Variants in ZC3H6 observed in about 807,000 individuals in gnomAD.
ZC3H6 encodes zinc finger CCCH domain-containing protein 6.
ZC3H6 carries 40 observed loss-of-function variants against 107.7 expected under a neutral mutation model. That is an observed-to-expected ratio of 0.37 (90% CI 0.29 to 0.48). The LOEUF (loss-of-function observed/expected upper bound fraction) is 0.48, where lower values mean the gene tolerates loss of function less well. Among genes scored for constraint, ZC3H6 ranks in the 20% least tolerant of loss-of-function variants. ZC3H6 has a pLI of 0.98. For synonymous variants in ZC3H6, 493 were observed against 487.9 expected (o/e 1.01, Z -0.14); for missense variants, 1,267 against 1,410.4 (o/e 0.90, Z 1.63).
intron 9 of ZC3H6, 143 bp downstream of exon 9, chr2:112,323,045 CCA>C: frequency 1.1e-6 from 1 of 910,674 alleles, no homozygotes; most frequent in Non-Finnish European, 1.6e-6. Flanking sequence ...ATTGTTGCTT[CCA>C]CCTTTGTTTT....
chr2:112,280,819 A>G (rs1451039534), intron 1 of ZC3H6, among the ~76,000 whole-genome samples: 2 of 152,170 alleles, frequency 1.3e-5, no homozygotes, highest in East Asian at 1.9e-4. Context: ...ATTTTGGGGA[A>G]TGGGGAAACG....
chr2:112,328,938 C>CAAAAAA (rs11317176), intron 11 of ZC3H6, among the ~76,000 whole-genome samples: 1 of 115,236 alleles, frequency 8.7e-6, no homozygotes. Context: ...GACTCTGTCT[C>CAAAAAA]AAAAAAAAAA....
At position 112,309,943 on chromosome 2, in the gene ZC3H6, T is replaced by A; in HGVS notation, c.395T>A (p.Phe132Tyr). The stretch of plus-strand genomic sequence containing the variant: ...AAGAAGGGTCAACATAACAAAAAAT[T>A]TAAAAGTAAAGAATATGATGAGTAC... Reference protein sequence around the residue: ...TSKKGQHNKKFKSKEYDEYST... With the variant: ...TSKKGQHNKKYKSKEYDEYST... The change falls in exon 4 of 12, where the codon TTT (phenylalanine) becomes TAT (tyrosine). Residue 132 changes from phenylalanine to tyrosine, a missense_variant. By Grantham distance (22) the Phe-to-Tyr change is conservative. Transcript: ENST00000409871. 1 of 1,604,384 alleles carries A rather than the reference T, an allele frequency of 6.2e-7. No individual in the cohort carries two copies. Among genetic ancestry groups the A allele is most frequent in the Non-Finnish European group, 8.5e-7 (1 of 1,175,016 alleles).
intron 1 of ZC3H6, among the ~76,000 whole-genome samples, chr2:112,287,968 C>G (rs1349189451): frequency 6.6e-6 from 1 of 152,244 alleles, no homozygotes; most frequent in African/African-American, 2.4e-5. Flanking sequence ...TTTTACTATA[C>G]AGTTGCTGAT....
chr2:112,311,771 C>T (rs1573958769), intron 4 of ZC3H6, 33 bp from the exon 5 acceptor site: 1 of 1,566,472 alleles, frequency 6.4e-7, no homozygotes, highest in Non-Finnish European at 8.7e-7. Flanking sequence ...TGCTGTTTTT[C>T]TTTTAAATTT....
intron 11 of ZC3H6, 59 bp from the exon 12 acceptor site, chr2:112,330,946 T>C: frequency 1.5e-6 from 1 of 669,284 alleles, no homozygotes; most frequent in Non-Finnish European, 2.0e-6. Flanking sequence ...AATATAATAA[T>C]TTTATTATAT....
At chr2:112,314,866 T>TA (rs1676667256) in intron 5 of ZC3H6, among the ~76,000 whole-genome samples, 1 of 152,168 alleles carries the variant, frequency 6.6e-6, no homozygotes, top group Non-Finnish European at 1.5e-5. Context: ...GTAAATTAGG[T>TA]ATGTTTATAT....
chr2:112,298,799 G>A (rs1038617304), intron 1 of ZC3H6, among the ~76,000 whole-genome samples: 1 of 152,068 alleles, frequency 6.6e-6, no homozygotes, highest in African/African-American at 2.4e-5. Context: ...ACAGGAAAGG[G>A]AACAATACAA....
chr2:112,294,342 C>T (rs893116454), intron 1 of ZC3H6, among the ~76,000 whole-genome samples: 2 of 152,218 alleles, frequency 1.3e-5, no homozygotes, highest in African/African-American at 4.8e-5. Context: ...GTAATCATTT[C>T]AAACATCTAG....
intron 5 of ZC3H6, among the ~76,000 whole-genome samples, chr2:112,314,678 T>G (rs1676661462): frequency 6.6e-6 from 1 of 152,168 alleles, no homozygotes; most frequent in African/African-American, 2.4e-5. Context: ...TTATTTTATT[T>G]TATAACAGCC....
chr2:112,283,628 G>T (rs1362653862), intron 1 of ZC3H6, among the ~76,000 whole-genome samples: 1 of 152,188 alleles, frequency 6.6e-6, no homozygotes, highest in Non-Finnish European at 1.5e-5. Context: ...TATAGACAGA[G>T]AAGATATTAA....
rs1282406390 is a variant in ZC3H6 at position 112,331,533 on chromosome 2, A to T, written c.2615A>T (p.Asn872Ile). The T allele has an allele frequency of 6.2e-7, 1 of 1,613,752 alleles. No homozygotes were observed. Among genetic ancestry groups the T allele is most frequent in the Non-Finnish European group, 8.5e-7 (1 of 1,179,862 alleles). The change falls in exon 12 of 12, where the codon AAC (asparagine) becomes ATC (isoleucine). Residue 872 changes from asparagine to isoleucine, a missense_variant. Asn to Ile is a moderately radical substitution (Grantham distance 149). Coordinates refer to ENST00000409871, the MANE Select transcript of ZC3H6 (RefSeq NM_198581.3). The stretch of plus-strand genomic sequence containing the variant: ...ATGGACATTACTCTAACCAAACCCA[A>T]CTTTGCAAAACACATCGTGTGGGCT... ...IKMDITLTKP[N>I]FAKHIVWAPE...
chr2:112,294,256 C>A (rs548146372), intron 1 of ZC3H6, among the ~76,000 whole-genome samples: 7 of 152,290 alleles, frequency 4.6e-5, no homozygotes, highest in Admixed American at 1.3e-4. Flanking sequence ...GAGCAGTTAT[C>A]CTACCTTATC....
rs1686398827 is a variant in ZC3H6, at chr2:112,275,598, C to A, written c.-397C>A. 1 of 401,264 alleles carries A rather than the reference C, an allele frequency of 2.5e-6. No individual in the cohort carries two copies. The allele number at this position is 401,264 out of a possible 1,614,324, so 24.9% of individuals were successfully genotyped here. ...CCCGGGCAAGGTGTTGCGGCCGGCG[C>A]CATTTTCTCGAGCCGCCTGTTTCGG... On this transcript the variant is annotated 5_prime_UTR_variant, in exon 1 of 12. Transcript: ENST00000409871.
At chr2:112,317,036 A>G (rs746211531) in intron 6 of ZC3H6, among the ~76,000 whole-genome samples, 185 bp from the exon 7 acceptor site, 7 of 152,182 alleles carry the variant, frequency 4.6e-5, no homozygotes, top group Non-Finnish European at 1.0e-4. Flanking sequence ...ATGTAGCTAC[A>G]TCCACTGTCT....
In ZC3H6 at chr2:112,303,272, A is replaced by G; in HGVS notation, c.257A>G (p.Asp86Gly). The G allele has an allele frequency of 6.2e-7, 1 of 1,613,116 alleles. No homozygotes were observed. The highest frequency in any genetic ancestry group is 2.2e-5 in the East Asian group (1 of 44,852). The change falls in exon 3 of 12, where the codon GAT becomes GGT. Residue 86 changes from aspartate to glycine, a missense_variant. Physicochemically the swap from Asp to Gly is moderately conservative, Grantham distance 94. This residue lies in a region of ZC3H6 where 337 missense variants were observed against 361.2 expected (regional missense o/e 0.93). Transcript: ENST00000409871. ...GATGATAGTTCGGACTACAGCCTTG[A>G]TTCAGATGTTGAACATACAGAAAGT... ...SSDDSSDYSL[D>G]SDVEHTESSH... is the part of the protein sequence containing the mutation.
Position 112,332,525 on chromosome 2 carries a change from ACTAT to A in ZC3H6, c.*40_*43del. On this transcript the variant is annotated 3_prime_UTR_variant, in exon 12 of 12. Coordinates refer to ENST00000409871, the MANE Select transcript of ZC3H6 (RefSeq NM_198581.3). ...CTGAGCAATTCTTTTCACTCTTGTG[ACTAT>A]CTCAGTCCTCTGCTGTTTTGTAACT... 2 of 1,562,682 alleles carry A rather than the reference ACTAT, an allele frequency of 1.3e-6. No homozygotes were observed. The highest frequency in any genetic ancestry group is 1.8e-5 in the Admixed American group (1 of 54,116).
chr2:112,277,152 C>A (rs1314018301), intron 1 of ZC3H6, among the ~76,000 whole-genome samples: 2 of 152,112 alleles, frequency 1.3e-5, no homozygotes, highest in African/African-American at 2.4e-5. Context: ...ATTTCAACAA[C>A]TTCAGTATTG....
chr2:112,320,388 G>A (rs943419046), intron 7 of ZC3H6, among the ~76,000 whole-genome samples: 2 of 152,090 alleles, frequency 1.3e-5, no homozygotes, highest in Non-Finnish European at 2.9e-5. Flanking sequence ...TATCTTTACT[G>A]ATTTAAAATG....
Sources: gnomAD v4.1 joint callset for allele counts (sites outside exome capture counted in the v4.1 genomes callset) on GRCh38, gnomAD v4.1.1 for gene constraint, gnomAD v4.1.1 regional missense constraint, MANE v1.5 for transcripts, NCBI Gene and HGNC (gene_info 2026-07-23, HGNC 2026-07-21) for gene names.